Variants in PWWP2A observed in about 807,000 individuals in gnomAD.
PWWP2A encodes PWWP domain-containing protein 2A.
PWWP2A carries 18 observed loss-of-function variants against 48.5 expected under a neutral mutation model. That is an observed-to-expected ratio of 0.37 (90% CI 0.26 to 0.55). The LOEUF is 0.55. PWWP2A is among the 20% of genes least tolerant of loss of function. The probability of loss-of-function intolerance (pLI) is 0.81; values close to 1 mark genes in which losing one functional copy is unlikely to be tolerated. For synonymous variants in PWWP2A, 396 were observed against 387.7 expected (o/e 1.02, Z -0.25); for missense variants, 867 against 976.4 (o/e 0.89, Z 1.49).
rs1162401125 is a variant in PWWP2A, at chr5:160,114,417, C to T, written c.584+4388G>A. On this transcript the variant is annotated intron_variant, in intron 1 of 1. Coordinates refer to ENST00000307063, the MANE Select transcript of PWWP2A (RefSeq NM_001130864.2). ...CTCAGGTTGCAGTGAGCCAAGATTG[C>T]ACTACTGCACTCCAGCCTGGGTGAC... Among the ~76,000 whole-genome samples, 4 of 151,022 alleles carry T rather than the reference C, an allele frequency of 2.6e-5. No homozygotes were observed. In the East Asian group the frequency reaches 7.8e-4, roughly 29 times the overall value.
chr5:160,097,340 A>G (rs1755769296), intron 1 of PWWP2A, among the ~76,000 whole-genome samples: 6 of 134,684 alleles, frequency 4.5e-5, no homozygotes, highest in South Asian at 2.4e-4. Flanking sequence ...TTGTCTCAAA[A>G]AAAAAAAAAA....
At chr5:160,065,347 C>T (rs986416913) in intron 4 of PWWP2A, 19 of 543,062 alleles carry the variant, frequency 3.5e-5, no homozygotes, top group Admixed American at 2.0e-4. Flanking sequence ...TTTGTTGAGG[C>T]TGACCTTCCT....
rs774147010 is a variant in PWWP2A, at chr5:160,119,200, G to C, written c.189C>G (p.Ala63=). ...GTGGCGGCGGGAGCGGCGGCTCGTC[G>C]GCCTGAGGAGCGGATTGCTGCCCGT... The part of the protein sequence containing the change: ...ETDGQQSAPQ[A]DEPPLPPPPP... The change falls in exon 1 of 2, where the codon GCC becomes GCG. Residue 63 remains alanine, a synonymous_variant. Transcript: ENST00000307063. The C allele has an allele frequency of 6.9e-7, 1 of 1,457,322 alleles. No homozygotes were observed. Among genetic ancestry groups the C allele is most frequent in the Non-Finnish European group, 8.9e-7 (1 of 1,118,820 alleles). The allele number at this position is 1,457,322 out of a possible 1,614,324, so 90.3% of individuals were successfully genotyped here. A position where few individuals can be genotyped will look rare whatever the true frequency, so the allele number is the denominator to read the frequency against.
chr5:160,104,055 C>T (rs557201740), intron 1 of PWWP2A, among the ~76,000 whole-genome samples: 13 of 137,164 alleles, frequency 9.5e-5, no homozygotes, highest in East Asian at 2.2e-4. Context: ...ACCTGGGAGG[C>T]GGAGGTTGCA....
chr5:160,074,936 TATTTAA>T (rs1229436697), downstream of PWWP2A, among the ~76,000 whole-genome samples: 1 of 112,230 alleles, frequency 8.9e-6, no homozygotes, highest in African/African-American at 3.2e-5. Context: ...TTGTCTCTAT[TATTTAA>T]ATTAAAAAAA....
At position 160,119,131 on chromosome 5, in the gene PWWP2A, C is replaced by T. The variant is rs1204157776; in HGVS notation, c.258G>A (p.Gly86=). The T allele has an allele frequency of 6.3e-6, 10 of 1,580,872 alleles. No individual in the cohort carries two copies. Among genetic ancestry groups the T allele is most frequent in the Non-Finnish European group, 3.4e-6 (4 of 1,173,372 alleles). The change falls in exon 1 of 2, where the codon GGG becomes GGA. Residue 86 remains glycine, a synonymous_variant. Transcript: ENST00000307063. The stretch of plus-strand genomic sequence containing the variant: ...GTTTCTCCTCAGCCTCCAGCTCCGG[C>T]CCCACCGCCTCTGGGCTGCGGGCGA... ...GELARSPEAV[G]PELEAEEKLS...
At chr5:160,044,547 A>G in the PWWP2A span, among the ~76,000 whole-genome samples, 1 of 152,196 alleles carries the variant, frequency 6.6e-6, no homozygotes, top group African/African-American at 2.4e-5. Context: ...GAATGTTGCC[A>G]TGGCATTTGT....
chr5:160,066,296 A>ATTTTTTTTTTT (rs59262456), intron 4 of PWWP2A, among the ~76,000 whole-genome samples: 24,246 of 92,306 alleles, frequency 0.26, 4,403 homozygotes, highest in East Asian at 0.34. Flanking sequence ...AGTGGTTCTC[A>ATTTTTTTTTTT]TTTTTTTTTT....
In PWWP2A at chr5:160,092,418, G is replaced by A. The variant is rs185682695; in HGVS notation, c.2232C>T (p.Pro744=). ...EAAKAAKQLT[P]EVRALLTQFE... ...ACTGTGTCAACAAAGCCCGCACTTCGGGGGTCAGCTGCTTGGCAGCCTTAG... is the reference window on the plus strand; with the variant it reads ...ACTGTGTCAACAAAGCCCGCACTTCAGGGGTCAGCTGCTTGGCAGCCTTAG... Residue 744 remains proline (P), a synonymous_variant, in exon 2 of 2, where the codon CCC becomes CCT. Coordinates refer to ENST00000307063, the MANE Select transcript of PWWP2A (RefSeq NM_001130864.2). 2.9e-3 allele frequency: 4,432 copies of A among 1,549,406 alleles called. 24 individuals are homozygous for A. The highest frequency in any genetic ancestry group is 2.9e-3 in the Non-Finnish European group (3,364 of 1,146,336).
At chr5:160,061,915 C>G (rs1065119) in exon 6 of PWWP2A, 81,999 of 151,504 alleles carry the variant, frequency 0.54, 22,233 homozygotes, top group African/African-American at 0.6. Flanking sequence ...GCCGGGGGAG[C>G]GGGGAAGTTT....
At chr5:160,048,416 A>G in the PWWP2A span, among the ~76,000 whole-genome samples, 2 of 152,104 alleles carry the variant, frequency 1.3e-5, no homozygotes, top group African/African-American at 4.8e-5. Flanking sequence ...CGGCCTCCCA[A>G]AGTGCTGGGA....
chr5:160,092,792 AAGTGGAGGAGGT>A lies in PWWP2A; in HGVS notation c.1846_1857del (p.Thr616_Thr619del), dbSNP rs1230104455. On this transcript the variant is annotated inframe_deletion, in exon 2 of 2. Coordinates refer to ENST00000307063, the MANE Select transcript of PWWP2A (RefSeq NM_001130864.2). ...TTTTTCTCTTCCTTTGAAGAGGAGG[AAGTGGAGGAGGT>A]GGAAGGTGCATGCATACTGCCTGGA... 6.4e-7 allele frequency: 1 copy of A among 1,551,414 alleles called. No individual in the cohort carries two copies. The highest frequency in any genetic ancestry group is 1.4e-5 in the African/African-American group (1 of 72,982).
intron 1 of PWWP2A, among the ~76,000 whole-genome samples, chr5:160,109,774 A>AATATATATATATATATATATAT (rs1223846862): frequency 1.2e-4 from 3 of 25,236 alleles, no homozygotes; most frequent in Non-Finnish European, 1.4e-4. Context: ...AAAAAAAAAA[A>AATATATATATATATATATATAT]ATATATATAT....
chr5:160,064,945 T>C lies in PWWP2A; in HGVS notation c.*237-1272A>G, dbSNP rs533470437. On this transcript the variant is annotated intron_variant and NMD_transcript_variant, in intron 4 of 5. Coordinates refer to the PWWP2A transcript ENST00000524050. ...TTTACATTACAGGTAAATTAAAAGA[T>C]CTTGGGAACTTGGTTCTCCGACCTT... The C allele has an allele frequency of 2.0e-5, 32 of 1,611,178 alleles. No homozygotes were observed. The South Asian group carries it at 3.5e-4, about 18-fold the overall frequency.
downstream of PWWP2A, among the ~76,000 whole-genome samples, chr5:160,060,964 G>A (rs566416467): frequency 1.7e-4 from 26 of 152,336 alleles, no homozygotes; most frequent in African/African-American, 6.0e-4. Flanking sequence ...CTTTCTGTCA[G>A]AACCACCCCC....
chr5:160,110,930 C>T (rs1219374905), intron 1 of PWWP2A, among the ~76,000 whole-genome samples: 1 of 139,216 alleles, frequency 7.2e-6, no homozygotes, highest in Admixed American at 7.8e-5. Flanking sequence ...ACTCAGGAGG[C>T]TGAGACAAGA....
chr5:160,091,188 G>T, downstream of PWWP2A: 3 of 974,990 alleles, frequency 3.1e-6, no homozygotes, highest in Non-Finnish European at 3.7e-6. Flanking sequence ...CTCATTATTT[G>T]AAGTTTTCTT....
chr5:160,095,158 T>C (rs1755505999), intron 1 of PWWP2A, among the ~76,000 whole-genome samples: 1 of 151,444 alleles, frequency 6.6e-6, no homozygotes, highest in Admixed American at 6.6e-5. Flanking sequence ...GTACTTAACC[T>C]TGTATTTTGT....
chr5:160,083,775 C>T (rs538168149), intron 2 of PWWP2A, among the ~76,000 whole-genome samples: 184 of 152,282 alleles, frequency 1.2e-3, no homozygotes, highest in African/African-American at 4.2e-3. Context: ...CATTTCCCCC[C>T]ATGCCAGGCC....
Sources: allele counts gnomAD v4.1 joint callset (sites outside exome capture counted in the v4.1 genomes callset), GRCh38; gene constraint gnomAD v4.1.1; transcripts MANE v1.5; gene names NCBI Gene and HGNC (gene_info 2026-07-23, HGNC 2026-07-21).